The following IGDCC3 variants were observed in gnomAD, a reference collection of about 807,000 sequenced individuals.
IGDCC3 encodes putative neuronal cell adhesion molecule.
A neutral mutation model predicts 72.0 loss-of-function variants in IGDCC3; 47 were observed. The observed-to-expected ratio is 0.65, with a 90% CI of 0.52 to 0.83. The LOEUF (loss-of-function observed/expected upper bound fraction) is 0.83. Ranked by LOEUF, IGDCC3 falls within the 40% of genes least tolerant of loss-of-function variation. IGDCC3 has a pLI of 0.00. For synonymous variants in IGDCC3, 477 were observed against 472.8 expected, an observed-to-expected ratio of 1.01 and a Z score of -0.11; for missense variants, 1,038 against 1,091.3, an observed-to-expected ratio of 0.95 and a Z score of 0.69.
At chr15:65,330,963 G>A (rs1405454555) in intron 9 of IGDCC3, 87 bp downstream of exon 9, 16 of 1,491,176 alleles carry the variant, frequency 1.1e-5, no homozygotes, top group African/African-American at 5.5e-5. Flanking sequence ...CCTGCACAGC[G>A]CACAACCAGA....
Position 65,334,679 on chromosome 15 carries a change from G to C in IGDCC3, c.823+49C>G, listed in dbSNP as rs563436772. 4.1e-6 allele frequency: 6 copies of C among 1,468,240 alleles called. No homozygotes were observed. The East Asian group carries it at 1.5e-4, about 38-fold the overall frequency. The allele number at this position is 1,468,240 out of a possible 1,614,324, so 91.0% of individuals were successfully genotyped here. ...GAGGAGTCTGAGACCGGCCCTCCCA[G>C]GGGGTGGGACAGGCTGGGAGGGGCA... On this transcript the variant is annotated intron_variant, in intron 5 of 13. Transcript: ENST00000327987.
intron 5 of IGDCC3, among the ~76,000 whole-genome samples, chr15:65,334,299 G>T (rs565622358): frequency 8.5e-5 from 13 of 152,150 alleles, no homozygotes; most frequent in East Asian, 1.9e-4. Flanking sequence ...AGATTGGGGG[G>T]GCCCAGAGTG....
intron 2 of IGDCC3, among the ~76,000 whole-genome samples, chr15:65,342,350 C>T (rs552121657): frequency 6.6e-6 from 1 of 151,268 alleles, no homozygotes; most frequent in African/African-American, 2.4e-5. Context: ...CACGCCATTG[C>T]ACTCCAGCCT....
At chr15:65,355,783 A>G (rs2091215639) in intron 2 of IGDCC3, 1 of 453,690 alleles carries the variant, frequency 2.2e-6, no homozygotes, top group African/African-American at 2.0e-5. Context: ...GGAGAAAATA[A>G]GACAGCCATT....
chr15:65,337,111 C>T (rs2091036854), intron 2 of IGDCC3, among the ~76,000 whole-genome samples: 1 of 152,222 alleles, frequency 6.6e-6, no homozygotes, highest in Non-Finnish European at 1.5e-5. Context: ...CATCCCCCAT[C>T]TCAGGCCCCC....
At chr15:65,372,042 C>T (rs1046862514) in intron 2 of IGDCC3, among the ~76,000 whole-genome samples, 8 of 152,194 alleles carry the variant, frequency 5.3e-5, no homozygotes, top group Non-Finnish European at 8.8e-5. Context: ...AAGCAGGGGC[C>T]GGGAGCAGAA....
At chr15:65,355,185 G>A (rs541881837) in intron 2 of IGDCC3, among the ~76,000 whole-genome samples, 1 of 152,276 alleles carries the variant, frequency 6.6e-6, no homozygotes, top group African/African-American at 2.4e-5. Flanking sequence ...CGGCCCCCGC[G>A]GGGCCCCACT....
At chr15:65,350,334 T>C (rs2091162826) in intron 2 of IGDCC3, among the ~76,000 whole-genome samples, 1 of 151,984 alleles carries the variant, frequency 6.6e-6, no homozygotes, top group Admixed American at 6.6e-5. Context: ...TTTCACCATA[T>C]TGGCCAGGCT....
At chr15:65,350,821 G>A (rs1250694943) in intron 2 of IGDCC3, among the ~76,000 whole-genome samples, 2 of 152,134 alleles carry the variant, frequency 1.3e-5, no homozygotes, top group Non-Finnish European at 2.9e-5. Flanking sequence ...TCTATACCTA[G>A]AGCATAATCA....
chr15:65,355,526 G>A, intron 2 of IGDCC3, among the ~76,000 whole-genome samples: 1 of 149,766 alleles, frequency 6.7e-6, no homozygotes, highest in Non-Finnish European at 1.5e-5. Flanking sequence ...CCCGGAGGAC[G>A]CGGCGGGCCC....
rs550208413 is a variant in IGDCC3 at position 65,355,751 on chromosome 15, T to C, written c.409+19346A>G. On this transcript the variant is annotated intron_variant, in intron 2 of 13. Transcript: ENST00000327987. ...GCACCACCGCGGGTGAATGAGAGAA[T>C]CCGGCATTGTGCGCGGCGAATGGAG... is the stretch of plus-strand genomic sequence containing the variant. 124 of 445,472 alleles carry C rather than the reference T, an allele frequency of 2.8e-4. 1 individual carries two copies. The highest frequency in any genetic ancestry group is 2.0e-3 in the Middle Eastern group (6 of 3,024). The allele number at this position is 445,472 out of a possible 1,614,324, so 27.6% of individuals were successfully genotyped here. A position where few individuals can be genotyped will look rare whatever the true frequency, so the allele number is the denominator to read the frequency against.
At chr15:65,342,334 C>A (rs1179109236) in intron 2 of IGDCC3, among the ~76,000 whole-genome samples, 1 of 150,806 alleles carries the variant, frequency 6.6e-6, no homozygotes, top group African/African-American at 2.4e-5. Context: ...TGGGGTGAGC[C>A]GAGATCACGC....
Position 65,357,631 on chromosome 15 carries a change from A to G in IGDCC3, c.409+17466T>C, listed in dbSNP as rs998445482. ...TGACCAACTAACTGTATTTAACACT[A>G]CCAAGCACTAGTAGTGACAGTGATA... On this transcript the variant is annotated intron_variant, in intron 2 of 13. Transcript: ENST00000327987. 3.3e-5 allele frequency among the ~76,000 whole-genome samples: 5 copies of G among 152,246 alleles called. 1 individual carries two copies. Among genetic ancestry groups the G allele is most frequent in the African/African-American group, 1.2e-4 (5 of 41,476 alleles).
intron 2 of IGDCC3, among the ~76,000 whole-genome samples, chr15:65,361,447 G>A (rs2091260596): frequency 6.7e-6 from 1 of 148,866 alleles, no homozygotes; most frequent in Admixed American, 6.7e-5. Flanking sequence ...GCAAGACCCT[G>A]TCGAAAAAAA....
At position 65,334,711 on chromosome 15, in the gene IGDCC3, GTGGGGA is replaced by G; in HGVS notation, c.823+11_823+16del. ...GGACAGGCTGGGAGGGGCAGGGGCT[GTGGGGA>G]TGAGGCTCACCCAGGCGGCTCCAGG... On this transcript the variant is annotated intron_variant, in intron 5 of 13. Transcript: ENST00000327987. The G allele has an allele frequency of 6.5e-7, 1 of 1,542,572 alleles. No individual in the cohort carries two copies. Among genetic ancestry groups the G allele is most frequent in the South Asian group, 1.2e-5 (1 of 82,240 alleles).
In IGDCC3 at chr15:65,377,587, G is replaced by A; in HGVS notation, c.103+99C>T. The stretch of plus-strand genomic sequence containing the variant: ...GCGCGGGGTCCGCCCTCAGGTCCGC[G>A]CCGCTCTCCCCGGGTCCGCCCCTCG... On this transcript the variant is annotated intron_variant, in intron 1 of 13. Coordinates refer to ENST00000327987, the MANE Select transcript of IGDCC3 (RefSeq NM_004884.4). This position sits in a 1 kb window ranked among gnomAD's most constrained non-coding sequence, Gnocchi z 4.9. 2 of 1,193,102 alleles carry A rather than the reference G, an allele frequency of 1.7e-6. No individual in the cohort carries two copies. The highest frequency in any genetic ancestry group is 2.6e-5 in the South Asian group (1 of 38,230). The allele number at this position is 1,193,102 out of a possible 1,614,324, so 73.9% of individuals were successfully genotyped here. A position where few individuals can be genotyped will look rare whatever the true frequency, so the allele number is the denominator to read the frequency against.
chr15:65,377,627 C>T lies in IGDCC3; in HGVS notation c.103+59G>A. The T allele has an allele frequency of 7.3e-7, 1 of 1,360,954 alleles. No homozygotes were observed. The highest frequency in any genetic ancestry group is 9.4e-7 in the Non-Finnish European group (1 of 1,059,192). The allele number at this position is 1,360,954 out of a possible 1,614,324, so 84.3% of individuals were successfully genotyped here. ...TCCGCCCCTCGCGCCCGCTCCCTCC[C>T]TGCTCGCCCTTCCCCTGGCTCCGTC... is the stretch of plus-strand genomic sequence containing the variant. On this transcript the variant is annotated intron_variant, in intron 1 of 13. Coordinates refer to ENST00000327987, the MANE Select transcript of IGDCC3 (RefSeq NM_004884.4). The surrounding 1 kb of genome is among the most constrained non-coding windows in gnomAD (Gnocchi z 4.9).
intron 2 of IGDCC3, among the ~76,000 whole-genome samples, chr15:65,356,847 G>GTTTTTTTTTTTTTTT (rs1189300061): frequency 6.5e-5 from 4 of 61,782 alleles, no homozygotes; most frequent in African/African-American, 8.8e-5. Context: ...GAATGGACCT[G>GTTTTTTTTTTTTTTT]CTTTTTTTTT....
intron 2 of IGDCC3, among the ~76,000 whole-genome samples, chr15:65,368,187 CACACACACACA>C: frequency 6.6e-6 from 1 of 151,568 alleles, no homozygotes; most frequent in African/African-American, 2.4e-5. Flanking sequence ...CACACACACA[CACACACACACA>C]CCAGCCTGCA....
Sources: gnomAD v4.1 joint callset for allele counts (sites outside exome capture counted in the v4.1 genomes callset) on GRCh38, gnomAD v4.1.1 for gene constraint, Gnocchi (gnomAD v3.1) non-coding constraint, MANE v1.5 for transcripts, NCBI Gene and HGNC (gene_info 2026-07-23, HGNC 2026-07-21) for gene names.